CLSTN2: variants seen among roughly 807,000 people sequenced by gnomAD.
CLSTN2 encodes the protein calsyntenin-2.
In CLSTN2, 48 loss-of-function variants were observed where a neutral mutation model predicts 101.2. The observed-to-expected ratio is 0.47, with a 90% CI of 0.38 to 0.60. The LOEUF (loss-of-function observed/expected upper bound fraction) is 0.60. Ranked by LOEUF, CLSTN2 falls within the 20% of genes least tolerant of loss-of-function variation. The probability of loss-of-function intolerance (pLI) is 0.00; values close to 1 mark genes in which losing one functional copy is unlikely to be tolerated. For synonymous variants in CLSTN2, 481 were observed against 463.6 expected (o/e 1.04, Z -0.48); for missense variants, 1,160 against 1,238.2 (o/e 0.94, Z 0.95).
chr3:140,129,916 T>G (rs1004908582), intron 1 of CLSTN2, among the ~76,000 whole-genome samples: 1 of 152,156 alleles, frequency 6.6e-6, no homozygotes, highest in African/African-American at 2.4e-5. Context: ...CTCATGTAAA[T>G]GCAACTGGAA....
chr3:140,196,312 G>A (rs1471584684), intron 2 of CLSTN2, among the ~76,000 whole-genome samples: 3 of 152,272 alleles, frequency 2.0e-5, no homozygotes, highest in Admixed American at 6.5e-5. Context: ...TCACACTAAC[G>A]AAAGTCCAGG....
intron 2 of CLSTN2, among the ~76,000 whole-genome samples, chr3:140,363,106 C>T (rs2087746898): frequency 6.6e-6 from 1 of 151,744 alleles, no homozygotes; most frequent in Non-Finnish European, 1.5e-5. Flanking sequence ...AGTATATAAA[C>T]AATATGGTAT....
intron 9 of CLSTN2, among the ~76,000 whole-genome samples, chr3:140,541,175 T>G: frequency 6.6e-6 from 1 of 152,234 alleles, no homozygotes; most frequent in East Asian, 1.9e-4. Context: ...GGAAGCAAGC[T>G]TAGGAGTTTG....
chr3:140,166,810 A>C (rs2010142200), intron 1 of CLSTN2, among the ~76,000 whole-genome samples: 1 of 152,202 alleles, frequency 6.6e-6, no homozygotes, highest in Non-Finnish European at 1.5e-5. Flanking sequence ...GAGATAAGAA[A>C]GAGGCAAGAA....
At chr3:140,288,467 G>C (rs2086918790) in intron 2 of CLSTN2, among the ~76,000 whole-genome samples, 1 of 152,088 alleles carries the variant, frequency 6.6e-6, no homozygotes. Context: ...CCATTTCCCA[G>C]GTGTTTTAGA....
chr3:140,322,903 G>C (rs1164124600), intron 2 of CLSTN2, among the ~76,000 whole-genome samples: 1 of 152,202 alleles, frequency 6.6e-6, no homozygotes, highest in Non-Finnish European at 1.5e-5. Context: ...TACATTATCT[G>C]AATTAAAATC....
intron 2 of CLSTN2, among the ~76,000 whole-genome samples, chr3:140,328,512 A>C (rs2087352240): frequency 6.6e-6 from 1 of 152,202 alleles, no homozygotes; most frequent in Non-Finnish European, 1.5e-5. Context: ...CTAAGCTAGA[A>C]GCCCTAGGGG....
chr3:140,485,496 C>A (rs568120413), intron 8 of CLSTN2, among the ~76,000 whole-genome samples: 79 of 152,306 alleles, frequency 5.2e-4, no homozygotes, highest in African/African-American at 1.9e-3. Flanking sequence ...CAGACAGGGA[C>A]ATTTAAGTCT....
chr3:140,211,389 C>T (rs941985049), intron 2 of CLSTN2, among the ~76,000 whole-genome samples: 1 of 117,566 alleles, frequency 8.5e-6, no homozygotes, highest in Non-Finnish European at 1.7e-5. Flanking sequence ...CTGATATATG[C>T]TTGGTAATTC....
At chr3:140,324,972 A>G (rs755531400) in intron 2 of CLSTN2, among the ~76,000 whole-genome samples, 5 of 152,266 alleles carry the variant, frequency 3.3e-5, no homozygotes, top group Non-Finnish European at 7.3e-5. Context: ...ACCACAGTTA[A>G]TATCTATGAC....
intron 2 of CLSTN2, among the ~76,000 whole-genome samples, chr3:140,239,835 T>C (rs1009877666): frequency 6.6e-6 from 1 of 151,992 alleles, no homozygotes; most frequent in Non-Finnish European, 1.5e-5. Context: ...TGATAAAATA[T>C]GAAAAAATAT....
chr3:140,559,444 CCAA>C (rs1042092414), intron 12 of CLSTN2, among the ~76,000 whole-genome samples: 3 of 151,678 alleles, frequency 2.0e-5, no homozygotes, highest in Non-Finnish European at 4.4e-5. Context: ...GTTGTTATTT[CCAA>C]CAACTTCATT....
intron 2 of CLSTN2, among the ~76,000 whole-genome samples, chr3:140,185,326 C>T (rs2010470296): frequency 6.6e-6 from 1 of 152,012 alleles, no homozygotes; most frequent in African/African-American, 2.4e-5. Flanking sequence ...TCAGGAAAAA[C>T]AAAAAATAAA....
chr3:140,454,823 T>C (rs544679207), intron 6 of CLSTN2: 3 of 152,332 alleles, frequency 2.0e-5, no homozygotes, highest in East Asian at 1.9e-4. Context: ...ATATGACATA[T>C]GTCACATGCA....
intron 4 of CLSTN2, among the ~76,000 whole-genome samples, chr3:140,419,251 G>C (rs2088466000): frequency 6.6e-6 from 1 of 150,938 alleles, no homozygotes; most frequent in African/African-American, 2.4e-5. Flanking sequence ...GGGAGGATGA[G>C]GCAGGTGGAT....
intron 1 of CLSTN2, among the ~76,000 whole-genome samples, chr3:139,970,550 G>T (rs1367918628): frequency 6.6e-6 from 1 of 152,144 alleles, no homozygotes. Flanking sequence ...CATTTATTGC[G>T]TGCTCCTCTG....
At chr3:140,348,350 T>C (rs76269163) in intron 2 of CLSTN2, among the ~76,000 whole-genome samples, 2,482 of 152,290 alleles carry the variant, frequency 0.016, 66 homozygotes, top group African/African-American at 0.057. Context: ...TTAAAAGGGC[T>C]TTTTCTTGCT....
chr3:140,295,419 A>G (rs973321342), intron 2 of CLSTN2, among the ~76,000 whole-genome samples: 3 of 152,156 alleles, frequency 2.0e-5, no homozygotes, highest in Non-Finnish European at 4.4e-5. Flanking sequence ...CCTTTACAGA[A>G]AGGCTTCTGC....
intron 1 of CLSTN2, among the ~76,000 whole-genome samples, chr3:140,115,371 A>G (rs2009223900): frequency 3.3e-5 from 5 of 151,992 alleles, no homozygotes; most frequent in South Asian, 4.2e-4. Flanking sequence ...GAAATACAAG[A>G]CAGCCTATTC....
Sources: allele counts gnomAD v4.1 joint callset (sites outside exome capture counted in the v4.1 genomes callset), GRCh38; gene constraint gnomAD v4.1.1; transcripts MANE v1.5; gene names NCBI Gene and HGNC (gene_info 2026-07-23, HGNC 2026-07-21).